PRKG1: variants seen among roughly 807,000 people sequenced by gnomAD.
PRKG1 encodes the protein protein kinase cGMP-dependent 1.
Under a neutral mutation model 88.1 loss-of-function variants are expected in PRKG1, and 35 were observed. The observed-to-expected ratio is 0.40, with a 90% CI of 0.30 to 0.53. The LOEUF (loss-of-function observed/expected upper bound fraction) is 0.53. Ranked by LOEUF, PRKG1 falls within the 20% of genes least tolerant of loss-of-function variation. PRKG1 has a pLI of 0.59. For synonymous variants in PRKG1, 303 were observed against 292.5 expected (o/e 1.04, Z -0.37); for missense variants, 540 against 839.8 (o/e 0.64, Z 4.41).
At chr10:52,093,846 T>C (rs574277464) in intron 7 of PRKG1, among the ~76,000 whole-genome samples, 101 of 152,132 alleles carry the variant, frequency 6.6e-4, no homozygotes, top group Non-Finnish European at 1.2e-3. Context: ...TCTATAGTTT[T>C]AAACTCTGAA....
At chr10:51,503,937 A>C (rs985043729) in intron 3 of PRKG1, among the ~76,000 whole-genome samples, 2 of 152,170 alleles carry the variant, frequency 1.3e-5, no homozygotes, top group Non-Finnish European at 2.9e-5. Context: ...TTGATATTTC[A>C]CAGTCCATGT....
chr10:51,598,611 C>T (rs1838518834), intron 3 of PRKG1, among the ~76,000 whole-genome samples: 3 of 152,152 alleles, frequency 2.0e-5, no homozygotes, highest in African/African-American at 7.2e-5. Context: ...AAGTTGAACA[C>T]ATGTGTTCTT....
At chr10:52,212,348 G>A (rs748005892) in intron 9 of PRKG1, among the ~76,000 whole-genome samples, 9 of 152,130 alleles carry the variant, frequency 5.9e-5, no homozygotes, top group Non-Finnish European at 1.2e-4. Flanking sequence ...TCACTGTATG[G>A]AGAAACCTTT....
At chr10:52,077,621 C>G (rs1846663770) in intron 7 of PRKG1, among the ~76,000 whole-genome samples, 1 of 152,084 alleles carries the variant, frequency 6.6e-6, no homozygotes, top group Non-Finnish European at 1.5e-5. Context: ...CTCAGTAAAT[C>G]TAATATGACG....
chr10:51,323,157 C>T (rs930760603), intron 2 of PRKG1, among the ~76,000 whole-genome samples: 1 of 152,106 alleles, frequency 6.6e-6, no homozygotes, highest in South Asian at 2.1e-4. Context: ...GAACTCAAAC[C>T]TGAAAAAGTT....
intron 5 of PRKG1, among the ~76,000 whole-genome samples, chr10:52,001,546 A>G (rs1844599948): frequency 6.6e-6 from 1 of 151,964 alleles, no homozygotes; most frequent in Admixed American, 6.6e-5. Context: ...TTAGGAATTT[A>G]TAGATGAGGG....
chr10:51,770,788 A>G (rs185726488), intron 3 of PRKG1, among the ~76,000 whole-genome samples: 4 of 152,318 alleles, frequency 2.6e-5, no homozygotes, highest in Admixed American at 2.6e-4. Context: ...GTCTTCCAGG[A>G]AAGTGGTCCC....
chr10:51,184,202 C>T (rs1422177710), intron 2 of PRKG1, among the ~76,000 whole-genome samples: 5 of 152,182 alleles, frequency 3.3e-5, no homozygotes, highest in Non-Finnish European at 7.3e-5. Flanking sequence ...GTTTTGGATT[C>T]TCTCCCTTAT....
At position 51,813,683 on chromosome 10, in the gene PRKG1, G is replaced by A. The variant is rs146512996; in HGVS notation, c.698+8993G>A. 1.4e-3 allele frequency among the ~76,000 whole-genome samples: 219 copies of A among 152,120 alleles called. 1 individual carries two copies. Among genetic ancestry groups the A allele is most frequent in the African/African-American group, 5.0e-3 (209 of 41,496 alleles). On this transcript the variant is annotated intron_variant, in intron 4 of 17. Coordinates refer to ENST00000373980, the MANE Select transcript of PRKG1 (RefSeq NM_006258.4). ...ACCCTATACTGCCTCAATAAATTCT[G>A]GATACCCAAATATTAGTCCCTGCAC...
At chr10:52,061,345 C>A (rs1030543386) in intron 6 of PRKG1, among the ~76,000 whole-genome samples, 2 of 151,982 alleles carry the variant, frequency 1.3e-5, no homozygotes, top group Non-Finnish European at 2.9e-5. Context: ...ACTTGAAGCA[C>A]AGTATTATTA....
intron 2 of PRKG1, among the ~76,000 whole-genome samples, chr10:51,431,941 A>G (rs998253602): frequency 2.6e-5 from 4 of 152,162 alleles, no homozygotes; most frequent in Non-Finnish European, 5.9e-5. Flanking sequence ...AGCCATTTTT[A>G]TATGTTCTTT....
chr10:51,454,915 C>T (rs1046955190), intron 2 of PRKG1, among the ~76,000 whole-genome samples: 3 of 152,190 alleles, frequency 2.0e-5, no homozygotes, highest in African/African-American at 7.2e-5. Context: ...CCTCACATTT[C>T]AAAACCAGTC....
At chr10:51,829,936 G>A (rs1381999573) in intron 4 of PRKG1, among the ~76,000 whole-genome samples, 1 of 152,136 alleles carries the variant, frequency 6.6e-6, no homozygotes, top group Non-Finnish European at 1.5e-5. Flanking sequence ...TGTTCAAAAT[G>A]TTATGGTAAA....
intron 2 of PRKG1, among the ~76,000 whole-genome samples, chr10:51,301,660 T>C (rs1840891068): frequency 6.6e-6 from 1 of 152,200 alleles, no homozygotes; most frequent in Non-Finnish European, 1.5e-5. Flanking sequence ...AGGCGAGGGA[T>C]GGCAGTCAAT....
intron 3 of PRKG1, among the ~76,000 whole-genome samples, chr10:51,726,630 T>C (rs1426172788): frequency 6.6e-6 from 1 of 152,242 alleles, no homozygotes; most frequent in Non-Finnish European, 1.5e-5. Context: ...TACATTGCAC[T>C]TTTTACCAAT....
chr10:51,150,615 G>A (rs1846045672), intron 1 of PRKG1, among the ~76,000 whole-genome samples: 1 of 152,076 alleles, frequency 6.6e-6, no homozygotes, highest in Admixed American at 6.6e-5. Flanking sequence ...GGTATAAATA[G>A]TAAGATGTGG....
chr10:51,935,542 C>T (rs1018066716), intron 5 of PRKG1, among the ~76,000 whole-genome samples: 30 of 152,214 alleles, frequency 2.0e-4, no homozygotes, highest in African/African-American at 3.6e-4. Context: ...CATCTTACTT[C>T]CCCTTTTAAT....
intron 17 of PRKG1, among the ~76,000 whole-genome samples, chr10:52,293,088 A>G (rs1842293800): frequency 6.7e-6 from 1 of 150,150 alleles, no homozygotes; most frequent in African/African-American, 2.4e-5. Flanking sequence ...TCAATGTACA[A>G]AAATCACAAG....
intron 1 of PRKG1, among the ~76,000 whole-genome samples, chr10:51,093,292 TA>T (rs1259530694): frequency 9.9e-5 from 15 of 152,146 alleles, no homozygotes; most frequent in Admixed American, 9.2e-4. Flanking sequence ...TGACGTGCCT[TA>T]AAAGTAGAGA....
Sources: gnomAD v4.1 joint callset for allele counts (sites outside exome capture counted in the v4.1 genomes callset) on GRCh38, gnomAD v4.1.1 for gene constraint, MANE v1.5 for transcripts, NCBI Gene and HGNC (gene_info 2026-07-23, HGNC 2026-07-21) for gene names.